Variants in SLC35D1 observed in about 807,000 individuals in gnomAD.
SLC35D1 encodes solute carrier family 35 member D1.
In SLC35D1, 31 loss-of-function variants were observed where a neutral mutation model predicts 46.7. The ratio of observed to expected loss-of-function variants is 0.66; its 90% CI spans 0.50 to 0.90. The LOEUF (loss-of-function observed/expected upper bound fraction) is 0.90. SLC35D1 is among the 40% of genes least tolerant of loss of function. SLC35D1 has a pLI of 0.00. For synonymous variants in SLC35D1, 195 were observed against 164.6 expected (o/e 1.18, Z -1.41); for missense variants, 397 against 426.2 (o/e 0.93, Z 0.60).
chr1:66,974,100 T>G, the SLC35D1 span, among the ~76,000 whole-genome samples: 134 of 149,242 alleles, frequency 9.0e-4, no homozygotes, highest in Non-Finnish European at 1.4e-3. Context: ...ATTTTTATTA[T>G]TTTTTTTTTA....
chr1:67,038,102 T>C (rs1668160968), intron 8 of SLC35D1, among the ~76,000 whole-genome samples: 1 of 152,154 alleles, frequency 6.6e-6, no homozygotes, highest in Non-Finnish European at 1.5e-5. Flanking sequence ...TATTCATTCA[T>C]AACTAAAGAA....
rs973887102 is a variant in SLC35D1 at position 67,002,763 on chromosome 1, G to T, written c.*1577C>A. On this transcript the variant is annotated 3_prime_UTR_variant, in exon 12 of 12. Coordinates refer to ENST00000235345, the MANE Select transcript of SLC35D1 (RefSeq NM_015139.3). ...AAAACCCTAACTGTTTAGGTCAACA[G>T]AGTCCAGTGGATTCCAAACCCAATG... is the stretch of plus-strand genomic sequence containing the variant. 15 of 152,334 alleles carry T rather than the reference G, an allele frequency of 9.8e-5. No individual in the cohort carries two copies. Among genetic ancestry groups the T allele is most frequent in the African/African-American group, 3.6e-4 (15 of 41,442 alleles). 9.4% of individuals were successfully genotyped at this position (152,334 alleles called of 1,614,324 possible).
intron 11 of SLC35D1, chr1:67,008,390 G>C: frequency 7.8e-7 from 1 of 1,286,850 alleles, no homozygotes; most frequent in Non-Finnish European, 1.0e-6. Context: ...GCCCGCCTCA[G>C]CCTCCCAAAG....
At chr1:67,021,746 CA>C in intron 8 of SLC35D1, 144 bp from the exon 9 acceptor site, 1 of 714,938 alleles carries the variant, frequency 1.4e-6, no homozygotes, top group Non-Finnish European at 2.5e-6. Context: ...CACACACACA[CA>C]CACACACACA....
At chr1:67,013,579 C>A (rs941893708) in intron 10 of SLC35D1, among the ~76,000 whole-genome samples, 2 of 152,000 alleles carry the variant, frequency 1.3e-5, no homozygotes, top group Non-Finnish European at 2.9e-5. Context: ...CCCATTTACT[C>A]TTATTTCTTC....
intron 9 of SLC35D1, among the ~76,000 whole-genome samples, chr1:67,020,826 C>T (rs2065001): frequency 5.9e-5 from 9 of 152,098 alleles, no homozygotes; most frequent in African/African-American, 1.9e-4. Flanking sequence ...CTGGGCCAGA[C>T]GAAGACAAGA....
Position 67,021,095 on chromosome 1 carries a change from C to T in SLC35D1, c.797+440G>A, listed in dbSNP as rs117502775. Among the ~76,000 whole-genome samples, 127 of 152,228 alleles carry T rather than the reference C, an allele frequency of 8.3e-4. 2 individuals are homozygous for T. In the East Asian group the frequency reaches 0.023, roughly 27 times the overall value. On this transcript the variant is annotated intron_variant, in intron 9 of 11. Coordinates refer to ENST00000235345, the MANE Select transcript of SLC35D1 (RefSeq NM_015139.3). ...AATATGGACATGAGGATAAGAGGCACGTTTGCAGGTATCCTCTTAACCTCT... is the reference window on the plus strand; with the variant it reads ...AATATGGACATGAGGATAAGAGGCATGTTTGCAGGTATCCTCTTAACCTCT...
At chr1:66,997,503 A>T (rs1313844057), downstream of SLC35D1, among the ~76,000 whole-genome samples, 4 of 69,632 alleles carry the variant, frequency 5.7e-5, no homozygotes, top group African/African-American at 2.5e-4. Context: ...ACCCTGTGTT[A>T]AAAAAAAAAA....
At chr1:66,984,308 A>G in the SLC35D1 span, among the ~76,000 whole-genome samples, 4 of 152,158 alleles carry the variant, frequency 2.6e-5, no homozygotes, top group Admixed American at 6.5e-5. Flanking sequence ...AGTTCTTTAC[A>G]TTTATTAACT....
intron 8 of SLC35D1, among the ~76,000 whole-genome samples, chr1:67,041,770 T>C (rs1645186420): frequency 6.6e-6 from 1 of 152,094 alleles, no homozygotes. Flanking sequence ...CAATGCTAAA[T>C]ATCTCCTGAG....
chr1:67,045,724 CAATTT>C (rs1172507858), intron 7 of SLC35D1, among the ~76,000 whole-genome samples: 5 of 152,096 alleles, frequency 3.3e-5, no homozygotes, highest in African/African-American at 1.2e-4. Context: ...GTAGCTATTT[CAATTT>C]AATTATAATC....
intron 8 of SLC35D1, among the ~76,000 whole-genome samples, chr1:67,039,142 G>C (rs1188005408): frequency 6.6e-6 from 1 of 152,082 alleles, no homozygotes; most frequent in East Asian, 1.9e-4. Context: ...ATTTAACAGT[G>C]AGACTTTCAG....
At chr1:66,985,596 A>T in the SLC35D1 span, 1 of 985,288 alleles carries the variant, frequency 1.0e-6, no homozygotes, top group Non-Finnish European at 1.2e-6. Flanking sequence ...TTTACAGTAC[A>T]TATGTCTTGA....
chr1:67,024,026 C>G (rs546234703), intron 8 of SLC35D1, among the ~76,000 whole-genome samples: 208 of 151,674 alleles, frequency 1.4e-3, no homozygotes, highest in Middle Eastern at 0.01. Context: ...CTCACTGCAA[C>G]CTCCGTCTCC....
At chr1:66,997,241 C>G (rs1172300041), downstream of SLC35D1, among the ~76,000 whole-genome samples, 1 of 151,936 alleles carries the variant, frequency 6.6e-6, no homozygotes, top group African/African-American at 2.4e-5. Context: ...CTGGGCACAG[C>G]ACCTTACACC....
chr1:66,980,887 T>G, the SLC35D1 span, among the ~76,000 whole-genome samples: 2 of 151,994 alleles, frequency 1.3e-5, no homozygotes, highest in African/African-American at 4.8e-5. Context: ...ACTACTCAGT[T>G]GTGCAGTTGT....
chr1:66,986,383 T>G, the SLC35D1 span: 1 of 1,608,086 alleles, frequency 6.2e-7, no homozygotes, highest in South Asian at 1.1e-5. Context: ...ATATTAATTA[T>G]TCTTGTTTTT....
intron 10 of SLC35D1, among the ~76,000 whole-genome samples, chr1:67,010,874 T>C (rs969351580): frequency 6.6e-6 from 1 of 151,360 alleles, no homozygotes; most frequent in Admixed American, 6.6e-5. Flanking sequence ...TCTGCAAAGC[T>C]GTCTTTTGTG....
intron 10 of SLC35D1, 27 bp downstream of exon 10, chr1:67,020,341 CA>C: frequency 1.4e-6 from 2 of 1,434,772 alleles, no homozygotes; most frequent in Non-Finnish European, 9.8e-7. Flanking sequence ...ATGCAGGTAC[CA>C]AAAGCTAACA....
Sources: gnomAD v4.1 joint callset for allele counts (sites outside exome capture counted in the v4.1 genomes callset) on GRCh38, gnomAD v4.1.1 for gene constraint, MANE v1.5 for transcripts, NCBI Gene and HGNC (gene_info 2026-07-23, HGNC 2026-07-21) for gene names.